TACR3: variants seen among roughly 807,000 people sequenced by gnomAD.
TACR3 encodes the protein neuromedin-K receptor.
TACR3 carries 34 observed loss-of-function variants against 35.0 expected under a neutral mutation model. That is an observed-to-expected ratio of 0.97 (90% CI 0.74 to 1.30). The LOEUF (loss-of-function observed/expected upper bound fraction) is 1.30, where lower values mean the gene tolerates loss of function less well. Among genes scored for constraint, TACR3 ranks in the 50% most tolerant of loss-of-function variants. The pLI, the probability that TACR3 is intolerant of heterozygous loss-of-function variation, is 0.00. For missense variants in TACR3, 558 were observed against 591.7 expected (o/e 0.94, Z 0.59); for synonymous variants, 233 against 221.1 (o/e 1.05, Z -0.48).
chr4:103,708,949 T>G (rs943313381), intron 1 of TACR3, among the ~76,000 whole-genome samples: 1 of 151,780 alleles, frequency 6.6e-6, no homozygotes, highest in African/African-American at 2.4e-5. Context: ...GAAGAGAAGT[T>G]TAGAGAAAAA....
chr4:103,635,424 G>GCAT (rs1200883391), intron 3 of TACR3, among the ~76,000 whole-genome samples: 13 of 151,852 alleles, frequency 8.6e-5, no homozygotes, highest in South Asian at 8.3e-4. Flanking sequence ...ACTTAGGTGT[G>GCAT]CATCTTCCCA....
At chr4:103,675,967 C>A (rs1175177195) in intron 1 of TACR3, among the ~76,000 whole-genome samples, 1 of 152,156 alleles carries the variant, frequency 6.6e-6, no homozygotes, top group Non-Finnish European at 1.5e-5. Context: ...AATTTCTACC[C>A]ATGCTTTAAT....
rs1411794592 is a variant in TACR3, at chr4:103,719,366, G to C, written c.310C>G (p.Leu104Val). The change falls in exon 1 of 5, where the codon CTC becomes GTC. Residue 104 changes from leucine to valine, a missense_variant. Leu to Val is a conservative substitution (Grantham distance 32). Transcript: ENST00000304883. ...GCCAGGATGATCCAGATGACGATGA[G>C]ATTTCCCAAAACTGCCACTGCCACC... ...VVVAVAVLGN[L>V]IVIWIILAHK... The C allele has an allele frequency of 1.2e-6, 2 of 1,614,226 alleles. No individual in the cohort carries two copies. Among genetic ancestry groups the C allele is most frequent in the South Asian group, 2.2e-5 (2 of 91,090 alleles).
At chr4:103,684,303 T>C (rs1173677211) in intron 1 of TACR3, among the ~76,000 whole-genome samples, 2 of 152,162 alleles carry the variant, frequency 1.3e-5, no homozygotes, top group African/African-American at 2.4e-5. Flanking sequence ...AGATTGTCTA[T>C]GTAGATGATC....
At chr4:103,602,092 T>C (rs1183068641) in intron 3 of TACR3, among the ~76,000 whole-genome samples, 1 of 152,178 alleles carries the variant, frequency 6.6e-6, no homozygotes, top group Non-Finnish European at 1.5e-5. Flanking sequence ...TTTCTTTTTA[T>C]TCTTTTTTCT....
chr4:103,687,567 A>G (rs953123403), intron 1 of TACR3, among the ~76,000 whole-genome samples: 4 of 152,262 alleles, frequency 2.6e-5, no homozygotes, highest in African/African-American at 9.6e-5. Flanking sequence ...TACAAAATCA[A>G]TGTACAAAAA....
chr4:103,633,292 G>T (rs1725108304), intron 3 of TACR3, among the ~76,000 whole-genome samples: 1 of 152,034 alleles, frequency 6.6e-6, no homozygotes, highest in African/African-American at 2.4e-5. Flanking sequence ...ACTAAATAAA[G>T]AAATATTGAG....
chr4:103,635,701 G>T (rs771478639), intron 3 of TACR3, among the ~76,000 whole-genome samples: 2 of 151,886 alleles, frequency 1.3e-5, no homozygotes, highest in African/African-American at 2.4e-5. Context: ...CACAATGCCT[G>T]GTACACATTA....
At position 103,629,864 on chromosome 4, in the gene TACR3, A is replaced by AAAAC. The variant is rs1725012175; in HGVS notation, c.888+26329_888+26330insGTTT. On this transcript the variant is annotated intron_variant, in intron 3 of 4. Transcript: ENST00000304883. ...CCTAAGCAAAACAAAAAAAAAACAAAAAAAAAACAAAAAAAACAACAACAA... is the reference window on the plus strand; with the variant it reads ...CCTAAGCAAAACAAAAAAAAAACAAAAAACAAAAAAACAAAAAAAACAACAACAA... Among the ~76,000 whole-genome samples the AAAAC allele has an allele frequency of 2.6e-5, 3 of 116,616 alleles. 1 individual carries two copies. Among genetic ancestry groups the AAAAC allele is most frequent in the Non-Finnish European group, 5.6e-5 (3 of 53,648 alleles). 76.5% of individuals were successfully genotyped at this position (116,616 alleles called of 152,430 possible).
chr4:103,701,905 T>C (rs2110224109), intron 1 of TACR3, among the ~76,000 whole-genome samples: 1 of 152,252 alleles, frequency 6.6e-6, no homozygotes, highest in Middle Eastern at 3.4e-3. Flanking sequence ...TAATTCAAGA[T>C]GGATTAAAGA....
chr4:103,696,435 T>TA (rs542650803), intron 1 of TACR3, among the ~76,000 whole-genome samples: 119 of 151,490 alleles, frequency 7.9e-4, no homozygotes, highest in East Asian at 5.2e-3. Context: ...TATTTCTTTG[T>TA]AAAAAAAAAG....
At chr4:103,622,936 A>T (rs947231565) in intron 3 of TACR3, among the ~76,000 whole-genome samples, 1 of 152,184 alleles carries the variant, frequency 6.6e-6, no homozygotes, top group Non-Finnish European at 1.5e-5. Context: ...AATAAAATGC[A>T]TGTTAAAGTT....
At position 103,607,613 on chromosome 4, in the gene TACR3, T is replaced by C. The variant is rs1210136775; in HGVS notation, c.889-15930A>G. Among the ~76,000 whole-genome samples, 3 of 152,146 alleles carry C rather than the reference T, an allele frequency of 2.0e-5. No homozygotes were observed. In the East Asian group the frequency reaches 5.8e-4, roughly 29 times the overall value. Reference sequence around the variant, plus strand: ...AGGCTTAAGAAAGAAATACAGTTGTTTTTGTGTACTTAATCTATTGTATAC... The same window carrying C: ...AGGCTTAAGAAAGAAATACAGTTGTCTTTGTGTACTTAATCTATTGTATAC... On this transcript the variant is annotated intron_variant, in intron 3 of 4. Transcript: ENST00000304883.
rs988567698 is a variant in TACR3 at position 103,586,507 on chromosome 4, T to G, written c.*3175A>C. ...GAGGAAATTTTGCATTTGCAAAAACTAAATTCAAATGTTGAGCTGGCCAGC... is the reference window on the plus strand; with the variant it reads ...GAGGAAATTTTGCATTTGCAAAAACGAAATTCAAATGTTGAGCTGGCCAGC... On this transcript the variant is annotated 3_prime_UTR_variant, in exon 5 of 5. Transcript: ENST00000304883. The G allele has an allele frequency of 6.6e-6, 1 of 152,108 alleles. No individual in the cohort carries two copies. Among genetic ancestry groups the G allele is most frequent in the Non-Finnish European group, 1.5e-5 (1 of 67,992 alleles). 9.4% of individuals were successfully genotyped at this position (152,108 alleles called of 1,614,324 possible).
chr4:103,655,189 A>G (rs1178258520), intron 3 of TACR3, among the ~76,000 whole-genome samples: 1 of 152,184 alleles, frequency 6.6e-6, no homozygotes, highest in Non-Finnish European at 1.5e-5. Context: ...TGTCAATATC[A>G]GAGAAAAAGC....
chr4:103,718,655 G>A (rs1348810341), intron 1 of TACR3, among the ~76,000 whole-genome samples: 5 of 152,278 alleles, frequency 3.3e-5, no homozygotes, highest in African/African-American at 7.2e-5. Context: ...GGAAGGATGA[G>A]GATGAGGAAC....
intron 4 of TACR3, 114 bp downstream of exon 4, chr4:103,591,373 A>C (rs2110283069): frequency 1.6e-6 from 2 of 1,285,832 alleles, no homozygotes; most frequent in Non-Finnish European, 2.2e-6. Context: ...TGAATTCTTA[A>C]ATTTTCCCTT....
intron 1 of TACR3, among the ~76,000 whole-genome samples, chr4:103,662,575 C>T (rs1725855258): frequency 6.6e-6 from 1 of 152,056 alleles, no homozygotes; most frequent in African/African-American, 2.4e-5. Context: ...ATATTGAGGA[C>T]CCAACACCCA....
rs533598223 is a variant in TACR3 at position 103,652,913 on chromosome 4, T to C, written c.888+3281A>G. On this transcript the variant is annotated intron_variant, in intron 3 of 4. Coordinates refer to ENST00000304883, the MANE Select transcript of TACR3 (RefSeq NM_001059.3). ...ACATGATTATTAGTAATAGCTGTAT[T>C]CTAAACAACTCCAGAACAATATTTT... Among the ~76,000 whole-genome samples, 10 of 152,144 alleles carry C rather than the reference T, an allele frequency of 6.6e-5. No individual in the cohort carries two copies. The East Asian group carries it at 1.9e-3, about 29-fold the overall frequency.
Sources: allele counts gnomAD v4.1 joint callset (sites outside exome capture counted in the v4.1 genomes callset), GRCh38; gene constraint gnomAD v4.1.1; transcripts MANE v1.5; gene names NCBI Gene and HGNC (gene_info 2026-07-23, HGNC 2026-07-21).